Variants in ZNRF3 observed in about 807,000 individuals in gnomAD.
ZNRF3 encodes E3 ubiquitin-protein ligase ZNRF3.
ZNRF3 carries 23 observed loss-of-function variants against 72.5 expected under a neutral mutation model. The observed-to-expected ratio is 0.32, with a 90% CI of 0.23 to 0.45. ZNRF3 has a LOEUF of 0.45. Among genes scored for constraint, ZNRF3 ranks in the 20% least tolerant of loss-of-function variants. The pLI is 1.00. For missense variants in ZNRF3, 1,169 were observed against 1,272.1 expected, an observed-to-expected ratio of 0.92 and a Z score of 1.23; for synonymous variants, 610 against 545.3, an observed-to-expected ratio of 1.12 and a Z score of -1.65.
At chr22:28,971,216 T>A (rs2035569500) in intron 1 of ZNRF3, among the ~76,000 whole-genome samples, 1 of 151,960 alleles carries the variant, frequency 6.6e-6, no homozygotes, top group Non-Finnish European at 1.5e-5. Context: ...TTTTAATTAC[T>A]GAATTCAGGA....
chr22:29,014,492 C>G (rs1417421073), intron 2 of ZNRF3, among the ~76,000 whole-genome samples: 2 of 152,204 alleles, frequency 1.3e-5, no homozygotes, highest in African/African-American at 4.8e-5. Flanking sequence ...CACACCATCT[C>G]CCTGCCGCTC....
intron 1 of ZNRF3, among the ~76,000 whole-genome samples, chr22:28,941,804 G>A (rs957410875): frequency 6.6e-6 from 1 of 152,026 alleles, no homozygotes; most frequent in Non-Finnish European, 1.5e-5. Context: ...CCAGCTACTC[G>A]GGAGGCTGAG....
In ZNRF3 at chr22:29,049,543, C is replaced by T. The variant is rs1420366339; in HGVS notation, c.1362C>T (p.Arg454=). ...TCCGCAGGCCCAAGTTGAGTGGCCG[C>T]AGCTTCTCCAAGGCAGCTTGCTTCT... ...HPFRRPKLSG[R]SFSKAACFSQ... Residue 454 remains arginine (R), a synonymous_variant, in exon 8 of 9, where the codon CGC becomes CGT. Coordinates refer to ENST00000544604, the MANE Select transcript of ZNRF3 (RefSeq NM_001206998.2). This position sits in a 1 kb window ranked among gnomAD's most constrained non-coding sequence, Gnocchi z 5.2. 1 of 1,604,550 alleles carries T rather than the reference C, an allele frequency of 6.2e-7. No individual in the cohort carries two copies. Among genetic ancestry groups the T allele is most frequent in the Non-Finnish European group, 8.5e-7 (1 of 1,177,972 alleles).
chr22:29,006,625 C>G (rs984653835), intron 2 of ZNRF3, among the ~76,000 whole-genome samples: 6 of 152,156 alleles, frequency 3.9e-5, no homozygotes, highest in Non-Finnish European at 5.9e-5. Flanking sequence ...AAGACACTCT[C>G]AGTAGTTGTG....
chr22:28,898,332 T>A (rs1391188885), intron 1 of ZNRF3, among the ~76,000 whole-genome samples: 1 of 152,216 alleles, frequency 6.6e-6, no homozygotes, highest in Non-Finnish European at 1.5e-5. Context: ...TCCTGATTAT[T>A]CCAAATAGTT....
At chr22:29,023,740 T>C (rs985196424) in intron 2 of ZNRF3, among the ~76,000 whole-genome samples, 1 of 152,240 alleles carries the variant, frequency 6.6e-6, no homozygotes. Context: ...GAGTGGTTTG[T>C]GGTCCCTCTT....
chr22:29,053,752 T>C lies in ZNRF3; in HGVS notation c.*130T>C, dbSNP rs1407419703. ...ACAAAAGTGGTAATAAAGAGAGCCC[T>C]CCTTGTCAACCCAAAATGTGAGCCC... On this transcript the variant is annotated 3_prime_UTR_variant, in exon 9 of 9. Transcript: ENST00000544604. 8.7e-6 allele frequency: 8 copies of C among 919,008 alleles called. No homozygotes were observed. In the East Asian group the frequency reaches 2.1e-4, roughly 24 times the overall value. 56.9% of individuals were successfully genotyped at this position (919,008 alleles called of 1,614,324 possible). A position where few individuals can be genotyped will look rare whatever the true frequency, so the allele number is the denominator to read the frequency against.
rs537829788 is a variant in ZNRF3 at position 29,044,726 on chromosome 22, C to T, written c.634-54C>T. 193 of 1,285,452 alleles carry T rather than the reference C, an allele frequency of 1.5e-4. 2 individuals are homozygous for T. The South Asian group carries it at 2.1e-3, about 14-fold the overall frequency. 79.6% of individuals were successfully genotyped at this position (1,285,452 alleles called of 1,614,324 possible). On this transcript the variant is annotated intron_variant, in intron 4 of 8. Transcript: ENST00000544604. ...GACAAAGCCAAGATAGCCCATGTGC[C>T]GCTTACCAGGCTGGAGAGAGGCTGT...
At chr22:28,947,878 C>T (rs2035081661) in intron 1 of ZNRF3, among the ~76,000 whole-genome samples, 1 of 152,096 alleles carries the variant, frequency 6.6e-6, no homozygotes, top group South Asian at 2.1e-4. Context: ...TGGAGTATTG[C>T]TCTGTCACCA....
rs1227839836 is a variant in ZNRF3, at chr22:28,883,690, C to T, written c.-77C>T. 3.1e-6 allele frequency: 3 copies of T among 981,194 alleles called. No individual in the cohort carries two copies. The highest frequency in any genetic ancestry group is 1.1e-4 in the East Asian group (1 of 8,718). The allele number at this position is 981,194 out of a possible 1,614,324, so 60.8% of individuals were successfully genotyped here. A position where few individuals can be genotyped will look rare whatever the true frequency, so the allele number is the denominator to read the frequency against. On this transcript the variant is annotated 5_prime_UTR_variant, in exon 1 of 9. Transcript: ENST00000544604. This position sits in a 1 kb window ranked among gnomAD's most constrained non-coding sequence, Gnocchi z 5.5. ...CGCCGTGATGGGGCTGTGAGGCGTC[C>T]GCCCGCGTTCGGTCCTCAGCCGGCC...
chr22:28,990,724 A>G (rs2035937612), intron 2 of ZNRF3, among the ~76,000 whole-genome samples: 1 of 152,138 alleles, frequency 6.6e-6, no homozygotes, highest in Non-Finnish European at 1.5e-5. Flanking sequence ...GTCTTAAACC[A>G]TCCCCAAAGC....
rs781403383 is a variant in ZNRF3 at position 29,050,421 on chromosome 22, G to T, written c.2240G>T (p.Gly747Val). Residue 747 changes from glycine to valine, a missense_variant, in exon 8 of 9, where the codon GGT becomes GTT. Transcript: ENST00000544604. ...CTCTACGAGGGCTCTGGCCCGGCGG[G>T]TGGGGAGCCCCAGTCAGGAAGCTCC... is the stretch of plus-strand genomic sequence containing the variant. ...PHLYEGSGPA[G>V]GEPQSGSSQG... The T allele has an allele frequency of 1.2e-6, 2 of 1,608,250 alleles. No homozygotes were observed. Among genetic ancestry groups the T allele is most frequent in the Non-Finnish European group, 1.7e-6 (2 of 1,177,158 alleles).
Position 29,043,439 on chromosome 22 carries a change from C to G in ZNRF3, c.633+9C>G, listed in dbSNP as rs1445812421. ...AGCACCGCCCTCCTCGAGTGAGCCT[C>G]CGCACCATTTGGCACAGGCTCGGGG... On this transcript the variant is annotated intron_variant, in intron 4 of 8. Coordinates refer to ENST00000544604, the MANE Select transcript of ZNRF3 (RefSeq NM_001206998.2). The G allele has an allele frequency of 6.2e-7, 1 of 1,612,808 alleles. No individual in the cohort carries two copies. The highest frequency in any genetic ancestry group is 8.5e-7 in the Non-Finnish European group (1 of 1,179,906).
chr22:29,016,025 A>C (rs1336397829), intron 2 of ZNRF3, among the ~76,000 whole-genome samples: 1 of 138,896 alleles, frequency 7.2e-6, no homozygotes, highest in Admixed American at 6.9e-5. Context: ...AAAAAAAAAA[A>C]AAAACAAAAA....
intron 2 of ZNRF3, among the ~76,000 whole-genome samples, chr22:29,033,597 G>A (rs2036807163): frequency 6.6e-6 from 1 of 152,188 alleles, no homozygotes; most frequent in Admixed American, 6.5e-5. Flanking sequence ...AGAGAATGTT[G>A]TTGGGACTTG....
intron 2 of ZNRF3, among the ~76,000 whole-genome samples, chr22:29,021,871 TATGCACACACACATACACACACACAC>T (rs1177417009): frequency 1.3e-5 from 2 of 152,042 alleles, no homozygotes; most frequent in East Asian, 1.9e-4. Flanking sequence ...GTTTGACCTA[TATGCACACACACATACACACACACAC>T]ATGCACACAC....
intron 6 of ZNRF3, 21 bp downstream of exon 6, chr22:29,046,904 G>C (rs779160863): frequency 1.3e-6 from 2 of 1,502,156 alleles, no homozygotes; most frequent in South Asian, 1.4e-5. Context: ...AAGCAGGCCC[G>C]TCCTGGGTGG....
chr22:28,949,231 G>A (rs2035109943), intron 1 of ZNRF3, among the ~76,000 whole-genome samples: 1 of 151,984 alleles, frequency 6.6e-6, no homozygotes, highest in East Asian at 1.9e-4. Context: ...ATCTGCCTCG[G>A]CTTCCCAAAG....
chr22:28,949,048 C>T (rs549527760), intron 1 of ZNRF3, among the ~76,000 whole-genome samples: 3 of 151,402 alleles, frequency 2.0e-5, no homozygotes, highest in South Asian at 2.1e-4. Flanking sequence ...GGCGTGATCT[C>T]GGCTCACTGC....
Sources: gnomAD v4.1 joint callset for allele counts (sites outside exome capture counted in the v4.1 genomes callset) on GRCh38, gnomAD v4.1.1 for gene constraint, Gnocchi (gnomAD v3.1) non-coding constraint, MANE v1.5 for transcripts, NCBI Gene and HGNC (gene_info 2026-07-23, HGNC 2026-07-21) for gene names.